PDE4D: variants seen among roughly 807,000 people sequenced by gnomAD.
PDE4D encodes 3',5'-cyclic-AMP phosphodiesterase 4D.
Under a neutral mutation model 87.4 loss-of-function variants are expected in PDE4D, and 24 were observed. That is an observed-to-expected ratio of 0.27 (90% CI 0.20 to 0.39). PDE4D has a LOEUF of 0.39. Among genes scored for constraint, PDE4D ranks in the 10% least tolerant of loss-of-function variants. PDE4D has a pLI of 1.00. For synonymous variants in PDE4D, 384 were observed against 383.2 expected (o/e 1.00, Z -0.02); for missense variants, 714 against 1,041.0 (o/e 0.69, Z 4.32).
intron 1 of PDE4D, among the ~76,000 whole-genome samples, chr5:59,388,194 G>T (rs149331877): frequency 2.1e-3 from 314 of 152,092 alleles, no homozygotes; most frequent in Non-Finnish European, 3.5e-3. Flanking sequence ...AACAAGAAAA[G>T]GATCTAAACA....
intron 1 of PDE4D, among the ~76,000 whole-genome samples, chr5:59,320,944 T>C (rs1394762913): frequency 6.6e-6 from 1 of 152,170 alleles, no homozygotes; most frequent in Non-Finnish European, 1.5e-5. Context: ...ATTTTTTCTA[T>C]TGATAAATTT....
chr5:59,131,373 G>A (rs1038105473), intron 5 of PDE4D, among the ~76,000 whole-genome samples: 1 of 152,108 alleles, frequency 6.6e-6, no homozygotes, highest in Non-Finnish European at 1.5e-5. Flanking sequence ...TGATACACAA[G>A]TACTAGTGAA....
chr5:59,880,799 A>G lies in PDE4D; in HGVS notation c.455+12369T>C, dbSNP rs546495014. ...CATGTCATGACTGCCACTAAAAACA[A>G]ACAGACATAAATTGTTTTCCCTAAA... On this transcript the variant is annotated intron_variant, in intron 1 of 14. Transcript: ENST00000340635. Among the ~76,000 whole-genome samples, 4 of 152,344 alleles carry G rather than the reference A, an allele frequency of 2.6e-5. 1 individual carries two copies. Among genetic ancestry groups the G allele is most frequent in the African/African-American group, 9.6e-5 (4 of 41,586 alleles).
At chr5:59,410,387 C>T (rs1056805951) in intron 1 of PDE4D, among the ~76,000 whole-genome samples, 2 of 152,142 alleles carry the variant, frequency 1.3e-5, no homozygotes, top group Non-Finnish European at 2.9e-5. Flanking sequence ...GCTGAGATTA[C>T]AGGCATGCAC....
intron 1 of PDE4D, among the ~76,000 whole-genome samples, chr5:59,319,034 TAAA>T (rs1236320879): frequency 2.6e-5 from 4 of 152,010 alleles, no homozygotes; most frequent in Admixed American, 2.0e-4. Context: ...GGTATTTAGT[TAAA>T]AAATCAAGTC....
chr5:59,442,699 T>C (rs1234787882), intron 1 of PDE4D, among the ~76,000 whole-genome samples: 2 of 152,178 alleles, frequency 1.3e-5, no homozygotes, highest in Admixed American at 1.3e-4. Context: ...GCAGAGGGAA[T>C]AGGTGCAGCA....
intron 1 of PDE4D, among the ~76,000 whole-genome samples, chr5:60,358,362 C>T (rs1451443041): frequency 2.0e-5 from 3 of 152,200 alleles, no homozygotes; most frequent in Non-Finnish European, 4.4e-5. Flanking sequence ...TTTACTTCTT[C>T]AGCAGTCTTT....
chr5:60,323,559 C>T (rs1359367115), intron 1 of PDE4D, among the ~76,000 whole-genome samples: 3 of 152,150 alleles, frequency 2.0e-5, no homozygotes, highest in African/African-American at 7.2e-5. Flanking sequence ...TGGTCTTTCC[C>T]CAGCATACCT....
intron 1 of PDE4D, among the ~76,000 whole-genome samples, chr5:60,459,171 A>T (rs1300182412): frequency 6.6e-6 from 1 of 152,202 alleles, no homozygotes; most frequent in Non-Finnish European, 1.5e-5. Context: ...ATAAGATCCT[A>T]CAGGTTCTTC....
chr5:59,897,918 G>A (rs1441967229), upstream of PDE4D, among the ~76,000 whole-genome samples: 1 of 151,950 alleles, frequency 6.6e-6, no homozygotes, highest in Non-Finnish European at 1.5e-5. Flanking sequence ...CAGGTTCTTA[G>A]GATATTTCCT....
At chr5:59,050,630 A>G (rs1285042953) in intron 5 of PDE4D, among the ~76,000 whole-genome samples, 1 of 152,258 alleles carries the variant, frequency 6.6e-6, no homozygotes, top group Non-Finnish European at 1.5e-5. Flanking sequence ...GTTATTATAC[A>G]CACAGAAGAA....
chr5:59,420,458 A>G (rs1794297106), intron 1 of PDE4D, among the ~76,000 whole-genome samples: 1 of 152,116 alleles, frequency 6.6e-6, no homozygotes, highest in South Asian at 2.1e-4. Context: ...CTTCCACAGG[A>G]CTCATCATAT....
intron 1 of PDE4D, among the ~76,000 whole-genome samples, chr5:59,621,713 G>T (rs1259612732): frequency 6.6e-6 from 1 of 152,198 alleles, no homozygotes; most frequent in African/African-American, 2.4e-5. Flanking sequence ...TCCCTAGGAA[G>T]CCAGGCTTTT....
chr5:59,818,973 G>A (rs1769326175), intron 1 of PDE4D, among the ~76,000 whole-genome samples: 1 of 152,112 alleles, frequency 6.6e-6, no homozygotes, highest in Non-Finnish European at 1.5e-5. Flanking sequence ...GTAATTTACT[G>A]TGGTCCCCAA....
At chr5:60,454,937 A>G (rs1746358606) in intron 1 of PDE4D, among the ~76,000 whole-genome samples, 1 of 152,018 alleles carries the variant, frequency 6.6e-6, no homozygotes, top group Admixed American at 6.6e-5. Flanking sequence ...TGAGAGAGAA[A>G]GAAGGAAAAA....
intron 1 of PDE4D, among the ~76,000 whole-genome samples, chr5:59,780,272 A>G (rs1441483995): frequency 6.6e-6 from 1 of 152,208 alleles, no homozygotes; most frequent in African/African-American, 2.4e-5. Flanking sequence ...AGGCTGAGGC[A>G]GGAGAATTGC....
At chr5:59,296,064 T>C (rs1769029618) in intron 1 of PDE4D, among the ~76,000 whole-genome samples, 1 of 151,820 alleles carries the variant, frequency 6.6e-6, no homozygotes, top group Non-Finnish European at 1.5e-5. Context: ...ATCGTGATGC[T>C]AATTCAAAAT....
At chr5:60,351,113 A>T (rs1185251533) in intron 1 of PDE4D, among the ~76,000 whole-genome samples, 1 of 152,194 alleles carries the variant, frequency 6.6e-6, no homozygotes, top group Non-Finnish European at 1.5e-5. Flanking sequence ...TGGATCATCC[A>T]GAAGTAAATG....
intron 1 of PDE4D, among the ~76,000 whole-genome samples, chr5:60,482,323 A>T (rs1473735651): frequency 3.3e-5 from 5 of 152,200 alleles, no homozygotes; most frequent in Admixed American, 6.5e-5. Context: ...CTGTAAAAAA[A>T]AAATAAATTT....
Sources: gnomAD v4.1 joint callset for allele counts (sites outside exome capture counted in the v4.1 genomes callset) on GRCh38, gnomAD v4.1.1 for gene constraint, MANE v1.5 for transcripts, NCBI Gene and HGNC (gene_info 2026-07-23, HGNC 2026-07-21) for gene names.